MFSD6: variants seen among roughly 807,000 people sequenced by gnomAD.
MFSD6 encodes major facilitator superfamily domain-containing protein 6.
In MFSD6, 26 loss-of-function variants were observed where a neutral mutation model predicts 56.3. The ratio of observed to expected loss-of-function variants is 0.46; its 90% CI spans 0.34 to 0.64. The LOEUF is 0.64. Among genes scored for constraint, MFSD6 ranks in the 30% least tolerant of loss-of-function variants. The pLI is 0.01. For missense variants in MFSD6, 750 were observed against 986.2 expected (o/e 0.76, Z 3.21); for synonymous variants, 331 against 366.9 (o/e 0.90, Z 1.12).
In MFSD6 at chr2:190,412,777, A is replaced by G. The variant is rs1690612091; in HGVS notation, c.-175-2515A>G. ...CTAAATTCTGAATGATACGTTATCC[A>G]GTACTTAGCCCCACTGCTGGATTCA... is the stretch of plus-strand genomic sequence containing the variant. On this transcript the variant is annotated intron_variant, in intron 1 of 7. Coordinates refer to ENST00000392328, the MANE Select transcript of MFSD6 (RefSeq NM_017694.4). The surrounding 1 kb of genome is among the most constrained non-coding windows in gnomAD (Gnocchi z 4.1). 1 of 235,108 alleles carries G rather than the reference A, an allele frequency of 4.3e-6. No individual in the cohort carries two copies. Among genetic ancestry groups the G allele is most frequent in the African/African-American group, 2.3e-5 (1 of 42,862 alleles). 14.6% of individuals were successfully genotyped at this position (235,108 alleles called of 1,614,324 possible).
chr2:190,472,378 A>G (rs1335529707), intron 4 of MFSD6, among the ~76,000 whole-genome samples: 2 of 152,252 alleles, frequency 1.3e-5, no homozygotes, highest in Non-Finnish European at 2.9e-5. Flanking sequence ...TAACCAATGC[A>G]GAGAAGTCCT....
intron 3 of MFSD6, among the ~76,000 whole-genome samples, chr2:190,460,222 G>T (rs921954277): frequency 2.6e-5 from 4 of 152,308 alleles, no homozygotes; most frequent in East Asian, 1.9e-4. Context: ...TTTATTGTTT[G>T]TCCACATAAA....
intron 2 of MFSD6, among the ~76,000 whole-genome samples, chr2:190,430,063 T>C (rs1685915629): frequency 6.6e-6 from 1 of 151,632 alleles, no homozygotes; most frequent in African/African-American, 2.4e-5. Flanking sequence ...GTTCTCATTG[T>C]TCAATTTCCA....
intron 3 of MFSD6, chr2:190,442,608 C>G (rs890603142): frequency 6.6e-6 from 1 of 152,052 alleles, no homozygotes; most frequent in Admixed American, 6.6e-5. Flanking sequence ...AGGAATAGAT[C>G]TGGGAGGTAA....
rs767090294 is a variant in MFSD6, at chr2:190,488,804, TAGTC to T, written c.1780_1783del (p.Val594IlefsTer18). 6.4e-7 allele frequency: 1 copy of T among 1,569,434 alleles called. No homozygotes were observed. The highest frequency in any genetic ancestry group is 8.6e-7 in the Non-Finnish European group (1 of 1,163,960). On this transcript the variant is annotated frameshift_variant, in exon 5 of 8. Transcript: ENST00000392328. LOFTEE classifies it high-confidence loss of function. This position sits in a 1 kb window ranked among gnomAD's most constrained non-coding sequence, Gnocchi z 6.4. Reference sequence around the variant, plus strand: ...TGTGGTGCCATGATCGGAGGCGTGTTAGTCAATTATTTTGGTAAGAATGGCTTTC... The same window carrying T: ...TGTGGTGCCATGATCGGAGGCGTGTTAATTATTTTGGTAAGAATGGCTTTC...
At chr2:190,428,372 C>G (rs1685851182) in intron 2 of MFSD6, among the ~76,000 whole-genome samples, 1 of 152,174 alleles carries the variant, frequency 6.6e-6, no homozygotes, top group Non-Finnish European at 1.5e-5. Flanking sequence ...GGATTAGTAG[C>G]TATTCCCAGT....
intron 3 of MFSD6, among the ~76,000 whole-genome samples, chr2:190,468,965 T>C (rs1329116600): frequency 1.3e-5 from 2 of 152,172 alleles, no homozygotes; most frequent in African/African-American, 4.8e-5. Flanking sequence ...AGCCACTCTT[T>C]GCTTCCAAAC....
At chr2:190,464,438 C>A (rs1182056176) in intron 3 of MFSD6, among the ~76,000 whole-genome samples, 2 of 152,118 alleles carry the variant, frequency 1.3e-5, no homozygotes, top group African/African-American at 4.8e-5. Context: ...GCTGCTCACA[C>A]CCTGTGTTGT....
Position 190,499,913 on chromosome 2 carries a change from G to T in MFSD6, c.2173-102G>T. The T allele has an allele frequency of 6.3e-7, 1 of 1,580,890 alleles. No individual in the cohort carries two copies. On this transcript the variant is annotated intron_variant, in intron 7 of 7. Coordinates refer to ENST00000392328, the MANE Select transcript of MFSD6 (RefSeq NM_017694.4). The surrounding 1 kb of genome is among the most constrained non-coding windows in gnomAD (Gnocchi z 6.0). Reference sequence around the variant, plus strand: ...TTGGTCCCTGAAATGGGCACTTCCGGATGATCTCCCCATGTTTCCTGTCTT... The same window carrying T: ...TTGGTCCCTGAAATGGGCACTTCCGTATGATCTCCCCATGTTTCCTGTCTT...
Position 190,489,421 on chromosome 2 carries a change from CT to C in MFSD6, c.1793-346del. Among the ~76,000 whole-genome samples the C allele has an allele frequency of 6.6e-6, 1 of 152,306 alleles. No individual in the cohort carries two copies. The highest frequency in any genetic ancestry group is 3.4e-3 in the Middle Eastern group (1 of 294). On this transcript the variant is annotated intron_variant, in intron 5 of 7. Coordinates refer to ENST00000392328, the MANE Select transcript of MFSD6 (RefSeq NM_017694.4). The surrounding 1 kb of genome is among the most constrained non-coding windows in gnomAD (Gnocchi z 6.6). ...CACTATTTGAGCACTGCTGTTCCAA[CT>C]ACAGATTAATAGTGCTGTTAGTTAA...
rs1183056838 is a variant in MFSD6 at position 190,416,707 on chromosome 2, C to T, written c.-54+1294C>T. Among the ~76,000 whole-genome samples the T allele has an allele frequency of 6.6e-6, 1 of 152,208 alleles. No homozygotes were observed. The highest frequency in any genetic ancestry group is 2.4e-5 in the African/African-American group (1 of 41,454). On this transcript the variant is annotated intron_variant, in intron 2 of 7. Coordinates refer to ENST00000392328, the MANE Select transcript of MFSD6 (RefSeq NM_017694.4). This position sits in a 1 kb window ranked among gnomAD's most constrained non-coding sequence, Gnocchi z 4.1. ...GGAATAAAACTACAACTACCAGCAA[C>T]ACCAAATGTTCATATGTTGCTTTTA... is the stretch of plus-strand genomic sequence containing the variant.
chr2:190,450,198 T>G (rs1686727547), intron 3 of MFSD6, among the ~76,000 whole-genome samples: 1 of 152,134 alleles, frequency 6.6e-6, no homozygotes, highest in Admixed American at 6.5e-5. Flanking sequence ...AAGTCAAAAG[T>G]CTTAACTAAT....
intron 3 of MFSD6, among the ~76,000 whole-genome samples, chr2:190,450,092 G>T (rs1321512728): frequency 6.6e-6 from 1 of 152,118 alleles, no homozygotes; most frequent in Non-Finnish European, 1.5e-5. Flanking sequence ...AGCTCATAAA[G>T]TTTATTACTG....
rs908187003 is a variant in MFSD6, at chr2:190,451,196, C to T, written c.1532+13635C>T. Among the ~76,000 whole-genome samples, 2 of 152,156 alleles carry T rather than the reference C, an allele frequency of 1.3e-5. No individual in the cohort carries two copies. Among genetic ancestry groups the T allele is most frequent in the African/African-American group, 2.4e-5 (1 of 41,442 alleles). On this transcript the variant is annotated intron_variant, in intron 3 of 7. Transcript: ENST00000392328. The surrounding 1 kb of genome is among the most constrained non-coding windows in gnomAD (Gnocchi z 5.0). ...GTGTGCATTTGATCTAGATTCAAATCCCACACTTAGTCCTGTCTAACATTG... is the reference window on the plus strand; with the variant it reads ...GTGTGCATTTGATCTAGATTCAAATTCCACACTTAGTCCTGTCTAACATTG...
rs994726741 is a variant in MFSD6 at position 190,463,184 on chromosome 2, G to A, written c.1533-6574G>A. Among the ~76,000 whole-genome samples the A allele has an allele frequency of 6.6e-6, 1 of 152,176 alleles. No individual in the cohort carries two copies. The highest frequency in any genetic ancestry group is 2.1e-4 in the South Asian group (1 of 4,828). On this transcript the variant is annotated intron_variant, in intron 3 of 7. Transcript: ENST00000392328. This position sits in a 1 kb window ranked among gnomAD's most constrained non-coding sequence, Gnocchi z 4.4. ...CATGGAAGATAGCTGGGAGGAGGGG[G>A]ACAGTTATGAGAAAACAAATTTTCT...
intron 3 of MFSD6, among the ~76,000 whole-genome samples, chr2:190,452,868 T>C (rs1030871889): frequency 6.6e-5 from 10 of 152,324 alleles, no homozygotes; most frequent in Non-Finnish European, 1.2e-4. Context: ...TAACTTGTAC[T>C]GAATATAAGT....
chr2:190,479,110 A>G (rs978763424), intron 4 of MFSD6, among the ~76,000 whole-genome samples: 1 of 152,180 alleles, frequency 6.6e-6, no homozygotes, highest in Non-Finnish European at 1.5e-5. Context: ...GGGTTTGTGA[A>G]GAAACAAATT....
chr2:190,460,535 A>T (rs903134769), intron 3 of MFSD6, among the ~76,000 whole-genome samples: 9 of 152,218 alleles, frequency 5.9e-5, no homozygotes, highest in African/African-American at 1.9e-4. Context: ...GTTCCGGACT[A>T]TTTACTGAGT....
rs1575814724 is a variant in MFSD6, at chr2:190,415,848, A to G, written c.-54+435A>G. Among the ~76,000 whole-genome samples, 8 of 152,362 alleles carry G rather than the reference A, an allele frequency of 5.3e-5. 1 individual carries two copies. Among genetic ancestry groups the G allele is most frequent in the Admixed American group, 5.2e-4 (8 of 15,310 alleles). On this transcript the variant is annotated intron_variant, in intron 2 of 7. Transcript: ENST00000392328. This position sits in a 1 kb window ranked among gnomAD's most constrained non-coding sequence, Gnocchi z 4.5. ...ATATTCTGGTCTCAATTGTAAACTCATAAAAGGTCTGAGAAAGAAGCACCC... is the reference window on the plus strand; with the variant it reads ...ATATTCTGGTCTCAATTGTAAACTCGTAAAAGGTCTGAGAAAGAAGCACCC...
Sources: allele counts gnomAD v4.1 joint callset (sites outside exome capture counted in the v4.1 genomes callset), GRCh38; gene constraint gnomAD v4.1.1; non-coding constraint Gnocchi (gnomAD v3.1); transcripts MANE v1.5; gene names NCBI Gene and HGNC (gene_info 2026-07-23, HGNC 2026-07-21).